Variants in ARHGAP21 observed in about 807,000 individuals in gnomAD.
The protein encoded by ARHGAP21 is Rho GTPase activating protein 21, also known as rho GTPase-activating protein 21.
ARHGAP21 carries 38 observed loss-of-function variants against 164.6 expected under a neutral mutation model. That is an observed-to-expected ratio of 0.23 (90% CI 0.18 to 0.30). The LOEUF (loss-of-function observed/expected upper bound fraction) is 0.30. ARHGAP21 is among the 10% of genes least tolerant of loss of function. The pLI, the probability that ARHGAP21 is intolerant of heterozygous loss-of-function variation, is 1.00. For synonymous variants in ARHGAP21, 766 were observed against 857.9 expected, an observed-to-expected ratio of 0.89 and a Z score of 1.87; for missense variants, 1,822 against 2,370.7, an observed-to-expected ratio of 0.77 and a Z score of 4.81.
chr10:24,597,544 G>A lies in ARHGAP21; in HGVS notation c.3237C>T (p.Leu1079=). 2 of 1,614,140 alleles carry A rather than the reference G, an allele frequency of 1.2e-6. No individual in the cohort carries two copies. The highest frequency in any genetic ancestry group is 1.7e-6 in the Non-Finnish European group (2 of 1,180,000). ...EQLPKTPRQS[L]SIRQTLLGAK... The stretch of plus-strand genomic sequence containing the variant: ...CACCAAGCAAAGTTTGCCTGATGCT[G>A]AGACTCTGGCGAGGTGTTTTTGGCA... The change falls in exon 16 of 26, where the codon CTC becomes CTT. Residue 1079 remains leucine, a synonymous_variant. Coordinates refer to ENST00000396432, the MANE Select transcript of ARHGAP21 (RefSeq NM_020824.4).
At chr10:24,646,657 C>T (rs201136787) in intron 4 of ARHGAP21, among the ~76,000 whole-genome samples, 1 of 152,082 alleles carries the variant, frequency 6.6e-6, no homozygotes, top group East Asian at 1.9e-4. Context: ...GTCTTGTAAT[C>T]CTAGCACTTT....
chr10:24,585,745 G>A lies in ARHGAP21; in HGVS notation c.4544C>T (p.Pro1515Leu), dbSNP rs752349033. ...GATGGCAAAGCGACAGCTGAGAGTTGGTGACTTGTTGTGTTTTGAGTTGTG... is the reference window on the plus strand; with the variant it reads ...GATGGCAAAGCGACAGCTGAGAGTTAGTGACTTGTTGTGTTTTGAGTTGTG... ...PPHNSKHNKSPTLSCRFAILK... is the reference protein window; with the variant it reads ...PPHNSKHNKSLTLSCRFAILK... The change falls in exon 26 of 26, where the codon CCA becomes CTA. Residue 1515 changes from proline (P) to leucine (L), a missense_variant. This residue lies in a region of ARHGAP21 where 333 missense variants were observed against 383.9 expected (regional missense o/e 0.87). Transcript: ENST00000396432. 3.0e-5 allele frequency: 48 copies of A among 1,613,840 alleles called. No individual in the cohort carries two copies. Among genetic ancestry groups the A allele is most frequent in the Non-Finnish European group, 3.6e-5 (42 of 1,179,932 alleles).
intron 25 of ARHGAP21, among the ~76,000 whole-genome samples, chr10:24,588,364 G>A (rs1341976905): frequency 6.6e-6 from 1 of 151,080 alleles, no homozygotes; most frequent in Non-Finnish European, 1.5e-5. Flanking sequence ...AAAGGATTTG[G>A]GTGCTATTAT....
At chr10:24,711,237 A>G (rs1175201309) in intron 2 of ARHGAP21, among the ~76,000 whole-genome samples, 4 of 152,118 alleles carry the variant, frequency 2.6e-5, no homozygotes, top group African/African-American at 9.7e-5. Flanking sequence ...CTGCATATCT[A>G]ACAACTGATA....
chr10:24,719,079 G>A (rs1845665933), intron 2 of ARHGAP21, among the ~76,000 whole-genome samples: 1 of 145,830 alleles, frequency 6.9e-6, no homozygotes, highest in Non-Finnish European at 1.5e-5. Flanking sequence ...AAGGATTGGT[G>A]TCAGAAGACT....
At chr10:24,609,308 GAT>G (rs1180998269) in intron 9 of ARHGAP21, among the ~76,000 whole-genome samples, 9 of 152,194 alleles carry the variant, frequency 5.9e-5, no homozygotes, top group Admixed American at 5.9e-4. Flanking sequence ...TGGATTTCCT[GAT>G]GGTATTCATT....
At chr10:24,692,844 T>TA (rs1157306416) in intron 2 of ARHGAP21, among the ~76,000 whole-genome samples, 4 of 128,788 alleles carry the variant, frequency 3.1e-5, no homozygotes, top group East Asian at 4.1e-4. Flanking sequence ...ATAAAAAAAA[T>TA]AAAAAAATTA....
intron 2 of ARHGAP21, among the ~76,000 whole-genome samples, chr10:24,703,389 T>C (rs1304922852): frequency 6.6e-6 from 1 of 152,166 alleles, no homozygotes; most frequent in African/African-American, 2.4e-5. Flanking sequence ...GCCAGCACTA[T>C]GTTAAATGCT....
chr10:24,586,660 T>C (rs1156984885), intron 25 of ARHGAP21, among the ~76,000 whole-genome samples: 3 of 152,224 alleles, frequency 2.0e-5, no homozygotes, highest in African/African-American at 2.4e-5. Flanking sequence ...TGGTCTTCCA[T>C]TAGTTCATTC....
chr10:24,598,058 G>T, intron 14 of ARHGAP21, 49 bp from the exon 15 acceptor site: 1 of 1,467,812 alleles, frequency 6.8e-7, no homozygotes, highest in South Asian at 1.2e-5. Context: ...ATAAATAAGT[G>T]ATCCTTACTT....
chr10:24,721,914 CAAAG>C lies in ARHGAP21; in HGVS notation c.-19_-16del. 6.2e-7 allele frequency: 1 copy of C among 1,613,820 alleles called. No homozygotes were observed. The highest frequency in any genetic ancestry group is 8.5e-7 in the Non-Finnish European group (1 of 1,179,812). On this transcript the variant is annotated 5_prime_UTR_variant, in exon 2 of 26. The change creates a premature stop within an existing upstream ORF in the 5' untranslated region. Coordinates refer to ENST00000396432, the MANE Select transcript of ARHGAP21 (RefSeq NM_020824.4). ...GTGGCCATCATTTCATTTCAAATGA[CAAAG>C]AAGGGACAAATCCTTTGGAGTCCAC... is the stretch of plus-strand genomic sequence containing the variant.
intron 2 of ARHGAP21, among the ~76,000 whole-genome samples, chr10:24,680,374 G>A (rs7079294): frequency 6.6e-6 from 1 of 151,922 alleles, no homozygotes; most frequent in Admixed American, 6.6e-5. Context: ...TTATGACTTG[G>A]CCTCACAGCT....
intron 14 of ARHGAP21, 62 bp downstream of exon 14, chr10:24,600,584 G>T (rs1376563037): frequency 1.3e-6 from 2 of 1,545,486 alleles, no homozygotes; most frequent in East Asian, 4.5e-5. Context: ...ATATTCCTTA[G>T]ATCTTTGTAA....
chr10:24,621,575 C>A (rs558079301), intron 8 of ARHGAP21, among the ~76,000 whole-genome samples: 1 of 152,244 alleles, frequency 6.6e-6, no homozygotes, highest in South Asian at 2.1e-4. Context: ...GAATCTGCAA[C>A]ACATACAAAT....
intron 4 of ARHGAP21, among the ~76,000 whole-genome samples, chr10:24,657,631 T>C (rs1022822448): frequency 1.6e-5 from 2 of 126,920 alleles, no homozygotes; most frequent in African/African-American, 6.4e-5. Context: ...GGGGAAAAGA[T>C]TGAGAAACCG....
chr10:24,717,980 G>C (rs1052865846), intron 2 of ARHGAP21, among the ~76,000 whole-genome samples: 1 of 152,154 alleles, frequency 6.6e-6, no homozygotes, highest in African/African-American at 2.4e-5. Context: ...TGCCCATCAG[G>C]AGGATCATTC....
At chr10:24,597,619 T>A (rs1279533724) in intron 15 of ARHGAP21, 36 bp from the exon 16 acceptor site, 1 of 1,610,994 alleles carries the variant, frequency 6.2e-7, no homozygotes, top group East Asian at 2.2e-5. Flanking sequence ...ACAATTACAG[T>A]AATCCCCCTC....
rs566976409 is a variant in ARHGAP21 at position 24,719,129 on chromosome 10, A to ACACACC, written c.63+2707_63+2708insGGTGTG. Among the ~76,000 whole-genome samples the ACACACC allele has an allele frequency of 4.3e-3, 625 of 147,000 alleles. 5 individuals are homozygous for ACACACC. The highest frequency in any genetic ancestry group is 0.014 in the Middle Eastern group (4 of 286). ...CACACACACACACACACACACACACACCCCAAAAATCACTTAAGAGGTTCA... is the reference window on the plus strand; with the variant it reads ...CACACACACACACACACACACACACACACACCCCCCAAAAATCACTTAAGAGGTTCA... On this transcript the variant is annotated intron_variant, in intron 2 of 25. Coordinates refer to ENST00000396432, the MANE Select transcript of ARHGAP21 (RefSeq NM_020824.4).
chr10:24,683,174 CTT>C (rs2131910707), intron 2 of ARHGAP21, among the ~76,000 whole-genome samples: 1 of 150,990 alleles, frequency 6.6e-6, no homozygotes, highest in African/African-American at 2.4e-5. Context: ...ATCTAAGTGA[CTT>C]TAGTTGATAA....
Sources: gnomAD v4.1 joint callset for allele counts (sites outside exome capture counted in the v4.1 genomes callset) on GRCh38, gnomAD v4.1.1 for gene constraint, gnomAD v4.1.1 regional missense constraint, MANE v1.5 for transcripts, NCBI Gene and HGNC (gene_info 2026-07-23, HGNC 2026-07-21) for gene names.